The following STOML3 variants were observed in gnomAD, a reference collection of about 807,000 sequenced individuals.
STOML3 encodes stomatin-like protein 3.
Under a neutral mutation model 29.5 loss-of-function variants are expected in STOML3, and 31 were observed. That is an observed-to-expected ratio of 1.05 (90% confidence interval 0.79 to 1.42). The LOEUF (loss-of-function observed/expected upper bound fraction) is 1.42, where lower values mean the gene tolerates loss of function less well. Among genes scored for constraint, STOML3 ranks in the 40% most tolerant of loss-of-function variants. The pLI is 0.00. For missense variants in STOML3, 380 were observed against 363.0 expected, an observed-to-expected ratio of 1.05 and a Z score of -0.38; for synonymous variants, 122 against 139.8, an observed-to-expected ratio of 0.87 and a Z score of 0.90.
In STOML3 at chr13:38,990,520, C is replaced by T. The variant is rs561905433; in HGVS notation, c.52+150G>A. On this transcript the variant is annotated intron_variant, in intron 1 of 6. Transcript: ENST00000379631. Reference sequence around the variant, plus strand: ...AAGAAGCAAATGAAATCAGCATAAGCAATGAATTCAAAATCCTGGGCTATA... The same window carrying T: ...AAGAAGCAAATGAAATCAGCATAAGTAATGAATTCAAAATCCTGGGCTATA... 287 of 601,436 alleles carry T rather than the reference C, an allele frequency of 4.8e-4. 1 individual carries two copies. Among genetic ancestry groups the T allele is most frequent in the Admixed American group, 4.2e-4 (13 of 30,814 alleles). The allele number at this position is 601,436 out of a possible 1,614,324, so 37.3% of individuals were successfully genotyped here.
At chr13:38,976,074 T>C (rs1457326987) in intron 3 of STOML3, among the ~76,000 whole-genome samples, 1 of 152,226 alleles carries the variant, frequency 6.6e-6, no homozygotes, top group African/African-American at 2.4e-5. Context: ...TCTATCTTTC[T>C]ATGTGTCTAC....
Position 38,976,402 on chromosome 13 carries a change from T to C in STOML3, c.229+138A>G, listed in dbSNP as rs983456697. On this transcript the variant is annotated intron_variant, in intron 3 of 6. Transcript: ENST00000379631. Reference sequence around the variant, plus strand: ...ATTAAAAGGTGGCATTCTTCTGTTGTACCAAAAGGCAAGAGCCCCAGCTTC... The same window carrying C: ...ATTAAAAGGTGGCATTCTTCTGTTGCACCAAAAGGCAAGAGCCCCAGCTTC... 5.6e-6 allele frequency: 5 copies of C among 886,818 alleles called. No individual in the cohort carries two copies. In the African/African-American group the frequency reaches 6.7e-5, roughly 12 times the overall value. 54.9% of individuals were successfully genotyped at this position (886,818 alleles called of 1,614,324 possible). A position where few individuals can be genotyped will look rare whatever the true frequency, so the allele number is the denominator to read the frequency against.
intron 1 of STOML3, among the ~76,000 whole-genome samples, chr13:38,979,890 G>A (rs1268693603): frequency 1.3e-5 from 2 of 152,136 alleles, no homozygotes; most frequent in African/African-American, 4.8e-5. Context: ...GGGCTGTTCT[G>A]GGGCTATGAC....
intron 6 of STOML3, among the ~76,000 whole-genome samples, chr13:38,968,076 G>A (rs1185714536): frequency 6.6e-6 from 1 of 152,144 alleles, no homozygotes; most frequent in African/African-American, 2.4e-5. Context: ...TTTGAAGTAA[G>A]GCTTGGAAAT....
At chr13:38,968,315 G>A in intron 6 of STOML3, 85 bp downstream of exon 6, 2 of 1,526,232 alleles carry the variant, frequency 1.3e-6, no homozygotes, top group South Asian at 1.2e-5. Flanking sequence ...ATAATTGACA[G>A]ACCCAATCTT....
chr13:38,985,554 CCAA>C (rs1283344950), intron 1 of STOML3, among the ~76,000 whole-genome samples: 1 of 152,110 alleles, frequency 6.6e-6, no homozygotes, highest in Non-Finnish European at 1.5e-5. Context: ...AACAGCACTG[CCAA>C]CAACAACAAA....
At position 38,966,496 on chromosome 13, in the gene STOML3, T is replaced by C. The variant is rs1880648032; in HGVS notation, c.*329A>G. On this transcript the variant is annotated 3_prime_UTR_variant, in exon 7 of 7. Transcript: ENST00000379631. Reference sequence around the variant, plus strand: ...GCTTTTTAAAACAATTAAAAAGTAATTCTGAAACATTAGTCATAGTCACCC... The same window carrying C: ...GCTTTTTAAAACAATTAAAAAGTAACTCTGAAACATTAGTCATAGTCACCC... 5.3e-6 allele frequency: 1 copy of C among 189,294 alleles called. No individual in the cohort carries two copies. 11.7% of individuals were successfully genotyped at this position (189,294 alleles called of 1,614,324 possible).
At chr13:38,988,897 C>A (rs1868866762) in intron 1 of STOML3, among the ~76,000 whole-genome samples, 1 of 137,224 alleles carries the variant, frequency 7.3e-6, no homozygotes, top group African/African-American at 2.8e-5. Context: ...ATATTATATA[C>A]TATACTATAG....
intron 1 of STOML3, among the ~76,000 whole-genome samples, chr13:38,977,105 G>A (rs1275172525): frequency 1.3e-5 from 2 of 152,190 alleles, no homozygotes; most frequent in Admixed American, 6.5e-5. Context: ...ATAAACAGTG[G>A]TTCTCAAAAT....
At chr13:38,977,472 G>C (rs1291105925) in intron 1 of STOML3, among the ~76,000 whole-genome samples, 1 of 152,146 alleles carries the variant, frequency 6.6e-6, no homozygotes, top group Non-Finnish European at 1.5e-5. Context: ...GTTTTAAACA[G>C]GTATTCTACT....
Position 38,975,055 on chromosome 13 carries a change from C to T in STOML3, c.229+1485G>A, listed in dbSNP as rs187294412. ...GATTATACTTGAAATGGCTGCTGGG[C>T]GTGGTGGCTCATGCTTGTAATCCCA... On this transcript the variant is annotated intron_variant, in intron 3 of 6. Coordinates refer to ENST00000379631, the MANE Select transcript of STOML3 (RefSeq NM_145286.3). Among the ~76,000 whole-genome samples the T allele has an allele frequency of 1.3e-3, 205 of 152,128 alleles. 1 individual carries two copies. The highest frequency in any genetic ancestry group is 4.7e-3 in the African/African-American group (197 of 41,516).
rs775578912 is a variant in STOML3 at position 38,968,460 on chromosome 13, G to T, written c.591C>A (p.Pro197=). The change falls in exon 6 of 7, where the codon CCC becomes CCA. Residue 197 remains proline, a synonymous_variant. Transcript: ENST00000379631. ...CTGCCATGGATCTCTGCAACTGCAC[G>T]GGAATCCGAACATCTTTGATTTCCA... ...ARVEIKDVRI[P]VQLQRSMAAE... The T allele has an allele frequency of 6.2e-7, 1 of 1,614,054 alleles. No individual in the cohort carries two copies. Among genetic ancestry groups the T allele is most frequent in the Non-Finnish European group, 8.5e-7 (1 of 1,180,004 alleles).
intron 3 of STOML3, among the ~76,000 whole-genome samples, chr13:38,974,420 T>A (rs1158667990): frequency 6.6e-6 from 1 of 152,098 alleles, no homozygotes. Context: ...GTTAAGATCA[T>A]GGACCTGAGA....
intron 1 of STOML3, among the ~76,000 whole-genome samples, chr13:38,986,176 A>C (rs1018858567): frequency 6.6e-6 from 1 of 151,062 alleles, no homozygotes; most frequent in Non-Finnish European, 1.5e-5. Flanking sequence ...CAGGGATAAC[A>C]GAACGGCACC....
chr13:38,980,234 C>G, intron 1 of STOML3: 3 of 1,157,006 alleles, frequency 2.6e-6, no homozygotes, highest in South Asian at 2.9e-5. Context: ...ATTGGTGGAG[C>G]CTGGGGGTCT....
At chr13:38,982,767 A>G (rs1440313260) in intron 1 of STOML3, among the ~76,000 whole-genome samples, 10 of 152,176 alleles carry the variant, frequency 6.6e-5, no homozygotes, top group Non-Finnish European at 1.5e-4. Context: ...CCACAAGGAA[A>G]TTCCTAGTGA....
At chr13:38,980,189 G>A (rs1566207724) in intron 1 of STOML3, 5 of 1,504,126 alleles carry the variant, frequency 3.3e-6, no homozygotes. Context: ...TTACACTGGA[G>A]CATTAGAATC....
chr13:38,977,815 A>G (rs949804929), intron 1 of STOML3, among the ~76,000 whole-genome samples: 1 of 128,790 alleles, frequency 7.8e-6, no homozygotes, highest in African/African-American at 2.9e-5. Flanking sequence ...GCTGGAGTAC[A>G]GTGGCGCGCT....
Position 38,970,264 on chromosome 13 carries a change from G to A in STOML3, c.437C>T (p.Thr146Ile), listed in dbSNP as rs201429107. 3 of 1,614,184 alleles carry A rather than the reference G, an allele frequency of 1.9e-6. No homozygotes were observed. The Admixed American group carries it at 5.0e-5, about 27-fold the overall frequency. Residue 146 changes from threonine (T) to isoleucine (I), a missense_variant, in exon 5 of 7, where the codon ACC becomes ATC. Thr to Ile is a moderately conservative substitution (Grantham distance 89). Transcript: ENST00000379631. ...VHQATFLLAQ[T>I]TLRNVLGTQT... ...TGTCCCTAAGACATTTCTCAGAGTG[G>A]TTTGAGCCAGCAGAAATGTTGCTTG...
Sources: gnomAD v4.1 joint callset for allele counts (sites outside exome capture counted in the v4.1 genomes callset) on GRCh38, gnomAD v4.1.1 for gene constraint, MANE v1.5 for transcripts, NCBI Gene and HGNC (gene_info 2026-07-23, HGNC 2026-07-21) for gene names.